Variants in CNIH3 observed in about 807,000 individuals in gnomAD.
The protein encoded by CNIH3 is protein cornichon homolog 3.
A neutral mutation model predicts 24.1 loss-of-function variants in CNIH3; 14 were observed. The ratio of observed to expected loss-of-function variants is 0.58; its 90% CI spans 0.38 to 0.91. CNIH3 has a LOEUF of 0.91. Ranked by LOEUF, CNIH3 falls within the 40% of genes least tolerant of loss-of-function variation. CNIH3 has a pLI of 0.00. For synonymous variants in CNIH3, 68 were observed against 73.8 expected, an observed-to-expected ratio of 0.92 and a Z score of 0.40; for missense variants, 178 against 196.8, an observed-to-expected ratio of 0.90 and a Z score of 0.57.
At chr1:224,541,518 C>T (rs895761434), downstream of CNIH3, among the ~76,000 whole-genome samples, 95 of 152,284 alleles carry the variant, frequency 6.2e-4, no homozygotes, top group African/African-American at 2.2e-3. Context: ...GATGTGCATG[C>T]ATATTAAAAA....
intron 1 of CNIH3, among the ~76,000 whole-genome samples, chr1:224,658,430 G>A (rs911333572): frequency 2.6e-5 from 4 of 151,920 alleles, no homozygotes; most frequent in South Asian, 4.1e-4. Context: ...GCCTCCCAAA[G>A]TGCTGGAATT....
chr1:224,534,800 A>G (rs1679217690), intron 2 of CNIH3, among the ~76,000 whole-genome samples: 1 of 152,052 alleles, frequency 6.6e-6, no homozygotes, highest in East Asian at 1.9e-4. Flanking sequence ...TACTTTCCTC[A>G]CCTTTTCACA....
intron 1 of CNIH3, among the ~76,000 whole-genome samples, chr1:224,677,153 A>G (rs1686179447): frequency 6.6e-6 from 1 of 152,168 alleles, no homozygotes; most frequent in Admixed American, 6.5e-5. Context: ...AGGTACTATT[A>G]TTGGTTCCAT....
chr1:224,511,911 C>T (rs1407673106), upstream of CNIH3, among the ~76,000 whole-genome samples: 1 of 152,212 alleles, frequency 6.6e-6, no homozygotes, highest in Non-Finnish European at 1.5e-5. Context: ...CATGGTGGCT[C>T]ATGCCTGTAA....
intron 3 of CNIH3, among the ~76,000 whole-genome samples, chr1:224,685,273 A>G (rs1686599532): frequency 6.6e-6 from 1 of 152,100 alleles, no homozygotes; most frequent in South Asian, 2.1e-4. Flanking sequence ...CAGCTTTGCA[A>G]TTTGATTGTC....
chr1:224,498,743 G>A (rs1027889813), intron 1 of CNIH3, among the ~76,000 whole-genome samples: 9 of 152,340 alleles, frequency 5.9e-5, no homozygotes, highest in African/African-American at 1.7e-4. Flanking sequence ...GTTACCATGC[G>A]CTGCTTCAGC....
At chr1:224,662,350 C>A (rs755153338) in intron 1 of CNIH3, among the ~76,000 whole-genome samples, 2 of 152,056 alleles carry the variant, frequency 1.3e-5, no homozygotes, top group Non-Finnish European at 2.9e-5. Context: ...ATATTAAGTG[C>A]TCACTCAAGA....
At chr1:224,438,486 G>T (rs1042365838) in intron 1 of CNIH3, among the ~76,000 whole-genome samples, 3 of 152,178 alleles carry the variant, frequency 2.0e-5, no homozygotes, top group African/African-American at 4.8e-5. Context: ...AGAGACTGTA[G>T]TTGTTCTGTC....
intron 1 of CNIH3, among the ~76,000 whole-genome samples, chr1:224,655,498 A>G (rs1216686694): frequency 6.6e-6 from 1 of 152,148 alleles, no homozygotes. Context: ...AATCCTAGTT[A>G]GACTCCTCGG....
rs528074455 is a variant in CNIH3, at chr1:224,707,862, A to G, written c.199-22600A>G. 3.3e-4 allele frequency among the ~76,000 whole-genome samples: 50 copies of G among 152,136 alleles called. 1 individual carries two copies. Among genetic ancestry groups the G allele is most frequent in the Admixed American group, 1.0e-3 (16 of 15,292 alleles). Reference sequence around the variant, plus strand: ...CCAAATAAATGAACATCCTGCCCTCATTGTTATCTTGTTGTTATTGACATA... The same window carrying G: ...CCAAATAAATGAACATCCTGCCCTCGTTGTTATCTTGTTGTTATTGACATA... On this transcript the variant is annotated intron_variant, in intron 3 of 5. Transcript: ENST00000272133.
At chr1:224,496,065 G>A (rs1011623803) in intron 1 of CNIH3, among the ~76,000 whole-genome samples, 1 of 152,196 alleles carries the variant, frequency 6.6e-6, no homozygotes, top group Admixed American at 6.5e-5. Context: ...TGTAGTGGCA[G>A]AGACTCAGCC....
intron 3 of CNIH3, among the ~76,000 whole-genome samples, chr1:224,695,787 C>G (rs1169202994): frequency 2.0e-5 from 3 of 152,184 alleles, no homozygotes; most frequent in African/African-American, 7.2e-5. Context: ...CTAGGCTGGT[C>G]CCCTTACTGC....
chr1:224,538,708 G>A (rs574742883), downstream of CNIH3, among the ~76,000 whole-genome samples: 15 of 150,466 alleles, frequency 1.0e-4, no homozygotes, highest in East Asian at 1.2e-3. Context: ...TGCCCAGCCC[G>A]GAATGTAGTG....
intron 1 of CNIH3, among the ~76,000 whole-genome samples, chr1:224,440,941 C>T (rs1460996759): frequency 3.9e-5 from 6 of 151,998 alleles, no homozygotes; most frequent in Admixed American, 6.6e-5. Context: ...CTCAGCCTCC[C>T]GAGTAGCTGG....
intron 1 of CNIH3, among the ~76,000 whole-genome samples, chr1:224,441,147 G>A (rs867526657): frequency 6.6e-6 from 1 of 152,000 alleles, no homozygotes; most frequent in Admixed American, 6.6e-5. Flanking sequence ...GTGCCAAGGG[G>A]TTATTTGGGT....
intron 1 of CNIH3, among the ~76,000 whole-genome samples, chr1:224,479,570 G>A (rs1360782861): frequency 6.6e-6 from 1 of 152,218 alleles, no homozygotes; most frequent in Non-Finnish European, 1.5e-5. Flanking sequence ...AAGCAAGTTA[G>A]TTCCTAATTA....
At chr1:224,526,453 C>T (rs573224566) in intron 2 of CNIH3, among the ~76,000 whole-genome samples, 1 of 152,298 alleles carries the variant, frequency 6.6e-6, no homozygotes, top group South Asian at 2.1e-4. Flanking sequence ...AGAGCTCCCA[C>T]CAGACACCGG....
intron 1 of CNIH3, among the ~76,000 whole-genome samples, chr1:224,647,666 C>T (rs1017664243): frequency 1.3e-5 from 2 of 152,192 alleles, no homozygotes; most frequent in Non-Finnish European, 1.5e-5. Flanking sequence ...GTTAACCCCA[C>T]TTCTAGAGAG....
chr1:224,509,008 C>T (rs550432155), intron 1 of CNIH3, among the ~76,000 whole-genome samples: 23 of 152,236 alleles, frequency 1.5e-4, no homozygotes, highest in African/African-American at 5.5e-4. Context: ...ATCGTCTACT[C>T]CTGGGCAAAC....
Sources: allele counts gnomAD v4.1 joint callset (sites outside exome capture counted in the v4.1 genomes callset), GRCh38; gene constraint gnomAD v4.1.1; transcripts MANE v1.5; gene names NCBI Gene and HGNC (gene_info 2026-07-23, HGNC 2026-07-21).